ZBBX: variants seen among roughly 807,000 people sequenced by gnomAD.
The protein encoded by ZBBX is zinc finger B-box domain containing, also known as zinc finger B-box domain-containing protein 1.
ZBBX carries 101 observed loss-of-function variants against 108.5 expected under a neutral mutation model. The observed-to-expected ratio is 0.93, with a 90% CI of 0.79 to 1.10. ZBBX has a LOEUF of 1.10. Among genes scored for constraint, ZBBX ranks in the 50% least tolerant of loss-of-function variants. The probability of loss-of-function intolerance (pLI) is 0.00; values close to 1 mark genes in which losing one functional copy is unlikely to be tolerated. For synonymous variants in ZBBX, 356 were observed against 323.4 expected, an observed-to-expected ratio of 1.10 and a Z score of -1.08; for missense variants, 1,009 against 941.4, an observed-to-expected ratio of 1.07 and a Z score of -0.94.
chr3:167,281,345 A>C (rs1576880192), intron 20 of ZBBX, among the ~76,000 whole-genome samples: 1 of 152,154 alleles, frequency 6.6e-6, no homozygotes, highest in Non-Finnish European at 1.5e-5. Flanking sequence ...GTGGGTTTTT[A>C]TTTCTTTTTT....
At chr3:167,352,354 C>G (rs561201613) in intron 8 of ZBBX, among the ~76,000 whole-genome samples, 1 of 152,154 alleles carries the variant, frequency 6.6e-6, no homozygotes, top group Admixed American at 6.5e-5. Context: ...CTACTATGAG[C>G]ATCTCCACAC....
At chr3:167,349,154 T>C (rs982272081) in intron 9 of ZBBX, among the ~76,000 whole-genome samples, 1 of 152,092 alleles carries the variant, frequency 6.6e-6, no homozygotes, top group African/African-American at 2.4e-5. Flanking sequence ...CTACAACAGC[T>C]AGCACAGGGC....
At chr3:167,194,838 T>C in the ZBBX span, among the ~76,000 whole-genome samples, 1 of 152,154 alleles carries the variant, frequency 6.6e-6, no homozygotes, top group African/African-American at 2.4e-5. Context: ...ACCAAGAAGC[T>C]AATGAAGCTC....
intron 20 of ZBBX, among the ~76,000 whole-genome samples, chr3:167,249,596 C>T (rs1038064064): frequency 7.2e-5 from 11 of 152,234 alleles, no homozygotes; most frequent in African/African-American, 2.2e-4. Context: ...TCCCCTTCTC[C>T]GTATAGGACT....
chr3:167,347,329 T>G (rs888459622), intron 9 of ZBBX, among the ~76,000 whole-genome samples: 1 of 151,976 alleles, frequency 6.6e-6, no homozygotes, highest in African/African-American at 2.4e-5. Context: ...TATTAACATA[T>G]CCATCACCTC....
the ZBBX span, among the ~76,000 whole-genome samples, chr3:167,179,378 T>C: frequency 1.3e-5 from 2 of 152,234 alleles, no homozygotes; most frequent in African/African-American, 4.8e-5. Context: ...ATGGGCTAAA[T>C]TGTCAAAGTG....
At chr3:167,263,567 G>A (rs1458450896) in intron 20 of ZBBX, among the ~76,000 whole-genome samples, 1 of 152,006 alleles carries the variant, frequency 6.6e-6, no homozygotes, top group Non-Finnish European at 1.5e-5. Flanking sequence ...TTATTTCACT[G>A]TGGTCAGAGA....
At chr3:167,339,131 T>A (rs1740097771) in intron 9 of ZBBX, among the ~76,000 whole-genome samples, 2 of 151,888 alleles carry the variant, frequency 1.3e-5, no homozygotes, top group South Asian at 4.2e-4. Context: ...ATTCTTAAGG[T>A]TTTTTTCCCA....
intron 20 of ZBBX, among the ~76,000 whole-genome samples, chr3:167,251,532 C>T (rs748543216): frequency 2.0e-5 from 3 of 152,154 alleles, no homozygotes; most frequent in East Asian, 1.9e-4. Flanking sequence ...CCCCATCGCA[C>T]GCCCTGTGAG....
chr3:167,338,696 T>TA (rs1268735332), intron 9 of ZBBX, among the ~76,000 whole-genome samples: 2 of 152,144 alleles, frequency 1.3e-5, no homozygotes, highest in African/African-American at 4.8e-5. Context: ...AGCCTTGAAT[T>TA]AAAAACTGAA....
intron 20 of ZBBX, among the ~76,000 whole-genome samples, chr3:167,266,719 C>A (rs573816444): frequency 4.6e-5 from 7 of 152,302 alleles, no homozygotes; most frequent in African/African-American, 1.7e-4. Context: ...GTGAGTGGCA[C>A]CCTTTTGCAA....
At chr3:167,262,191 T>C (rs1050590515) in intron 20 of ZBBX, among the ~76,000 whole-genome samples, 25 of 93,182 alleles carry the variant, frequency 2.7e-4, no homozygotes, top group Non-Finnish European at 5.1e-4. Context: ...GTTGGGGCAC[T>C]CAGTTTTTGT....
chr3:167,194,438 G>T, the ZBBX span, among the ~76,000 whole-genome samples: 2 of 152,014 alleles, frequency 1.3e-5, no homozygotes, highest in Non-Finnish European at 2.9e-5. Context: ...AGAGGAAGCA[G>T]GATGTATTTC....
the ZBBX span, among the ~76,000 whole-genome samples, chr3:167,221,708 C>T: frequency 1.3e-5 from 2 of 151,582 alleles, no homozygotes; most frequent in African/African-American, 2.4e-5. Flanking sequence ...GAAGAGGAAA[C>T]AATCAATAAA....
the ZBBX span, among the ~76,000 whole-genome samples, chr3:167,204,642 TG>T: frequency 1.3e-5 from 2 of 150,088 alleles, no homozygotes; most frequent in East Asian, 3.9e-4. Context: ...AGTCTATCAT[TG>T]TTGGACATTT....
chr3:167,395,521 C>T (rs962024004), intron 1 of ZBBX, among the ~76,000 whole-genome samples: 1 of 150,982 alleles, frequency 6.6e-6, no homozygotes, highest in East Asian at 1.9e-4. Flanking sequence ...CAACAATGGA[C>T]AGATTCTTAG....
chr3:167,372,969 C>CAAAAGAGG lies in ZBBX; in HGVS notation c.-49-20_-49-19insCCTCTTTT. On this transcript the variant is annotated intron_variant, in intron 3 of 21. Coordinates refer to ENST00000675490, the MANE Select transcript of ZBBX (RefSeq NM_001199201.2). ...AACACTTCTGTAAAAGTAACAAAGACAAAAGAATTATGGCAGAGGTGAAGC... is the reference window on the plus strand; with the variant it reads ...AACACTTCTGTAAAAGTAACAAAGACAAAAGAGGAAAAGAATTATGGCAGAGGTGAAGC... 1 of 1,248,552 alleles carries CAAAAGAGG rather than the reference C, an allele frequency of 8.0e-7. No homozygotes were observed. The highest frequency in any genetic ancestry group is 1.1e-6 in the Non-Finnish European group (1 of 890,370). 77.3% of individuals were successfully genotyped at this position (1,248,552 alleles called of 1,614,324 possible).
At chr3:167,266,818 G>A (rs2108449065) in intron 20 of ZBBX, among the ~76,000 whole-genome samples, 1 of 152,268 alleles carries the variant, frequency 6.6e-6, no homozygotes, top group East Asian at 1.9e-4. Flanking sequence ...CAATTTGGTG[G>A]CTCGTATGGG....
chr3:167,267,644 A>G (rs1390525306), intron 20 of ZBBX, among the ~76,000 whole-genome samples: 1 of 152,214 alleles, frequency 6.6e-6, no homozygotes, highest in Non-Finnish European at 1.5e-5. Flanking sequence ...GGGTCAAATG[A>G]GGATGTAATG....
Sources: allele counts gnomAD v4.1 joint callset (sites outside exome capture counted in the v4.1 genomes callset), GRCh38; gene constraint gnomAD v4.1.1; transcripts MANE v1.5; gene names NCBI Gene and HGNC (gene_info 2026-07-23, HGNC 2026-07-21).